EXOC1: variants seen among roughly 807,000 people sequenced by gnomAD.
EXOC1 encodes the protein SEC3-like 1.
EXOC1 carries 67 observed loss-of-function variants against 107.7 expected under a neutral mutation model. The observed-to-expected ratio is 0.62, with a 90% CI of 0.51 to 0.76. EXOC1 has a LOEUF of 0.76. Among genes scored for constraint, EXOC1 ranks in the 30% least tolerant of loss-of-function variants. The pLI is 0.00. For missense variants in EXOC1, 833 were observed against 1,055.7 expected (o/e 0.79, Z 2.92); for synonymous variants, 348 against 353.5 (o/e 0.98, Z 0.17).
At chr4:55,863,858 ATAAC>A (rs1185902379) in intron 3 of EXOC1, among the ~76,000 whole-genome samples, 2 of 152,232 alleles carry the variant, frequency 1.3e-5, no homozygotes, top group Non-Finnish European at 2.9e-5. Context: ...AAGAAAATGT[ATAAC>A]TAAAACTCTA....
At position 55,868,458 on chromosome 4, in the gene EXOC1, TATGCA is replaced by T; in HGVS notation, c.541_545del (p.Ala181LeufsTer21). On this transcript the variant is annotated frameshift_variant, in exon 5 of 19. Transcript: ENST00000381295. LOFTEE classifies it high-confidence loss of function. The stretch of plus-strand genomic sequence containing the variant: ...CGAAATAATGATGGAAGGCTGTGAA[TATGCA>T]ATCTCGAATGCGGAAGCCTTTGCAG... The T allele has an allele frequency of 6.2e-7, 1 of 1,613,848 alleles. No homozygotes were observed. The highest frequency in any genetic ancestry group is 1.1e-5 in the South Asian group (1 of 91,078).
chr4:55,855,303 A>G (rs542616145), intron 1 of EXOC1, among the ~76,000 whole-genome samples: 2 of 152,216 alleles, frequency 1.3e-5, no homozygotes, highest in Non-Finnish European at 2.9e-5. Flanking sequence ...AAAGGAATAA[A>G]TTACATGTAG....
At chr4:55,870,492 G>A (rs1722326689) in intron 5 of EXOC1, among the ~76,000 whole-genome samples, 186 bp from the exon 6 acceptor site, 1 of 152,196 alleles carries the variant, frequency 6.6e-6, no homozygotes, top group Admixed American at 6.5e-5. Context: ...GAAATACTGT[G>A]TAAAACATGG....
chr4:55,865,346 C>G (rs937094238), intron 4 of EXOC1, among the ~76,000 whole-genome samples: 26 of 152,112 alleles, frequency 1.7e-4, no homozygotes, highest in African/African-American at 6.0e-4. Flanking sequence ...ACTTAGTAAT[C>G]AGTGAGCCTG....
At chr4:55,861,483 C>A (rs1721471131) in intron 3 of EXOC1, among the ~76,000 whole-genome samples, 1 of 152,154 alleles carries the variant, frequency 6.6e-6, no homozygotes, top group African/African-American at 2.4e-5. Context: ...TTGGTACAAA[C>A]CTCCAAGGAT....
intron 15 of EXOC1, 100 bp from the exon 16 acceptor site, chr4:55,896,617 A>G (rs1049654666): frequency 1.3e-5 from 12 of 914,266 alleles, no homozygotes; most frequent in East Asian, 8.9e-5. Flanking sequence ...TATGATATCT[A>G]TGTATATATC....
chr4:55,868,372 G>C lies in EXOC1; in HGVS notation c.452G>C (p.Gly151Ala). Residue 151 changes from glycine (G) to alanine (A), a missense_variant, in exon 5 of 19, where the codon GGA (glycine) becomes GCA (alanine). By Grantham distance (60) the Gly-to-Ala change is moderately conservative. This residue lies in a region of EXOC1 where 617 missense variants were observed against 701.3 expected (regional missense o/e 0.88). Transcript: ENST00000381295. ...VPSGENQSVT[G>A]GDEEVVDEYQ... Reference sequence around the variant, plus strand: ...AGTGGAGAAAATCAGAGTGTGACAGGAGGTGATGAAGAAGTAGTAGATGAA... The same window carrying C: ...AGTGGAGAAAATCAGAGTGTGACAGCAGGTGATGAAGAAGTAGTAGATGAA... 1.9e-6 allele frequency: 3 copies of C among 1,613,312 alleles called. No homozygotes were observed. Among genetic ancestry groups the C allele is most frequent in the East Asian group, 2.2e-5 (1 of 44,856 alleles).
intron 10 of EXOC1, 94 bp downstream of exon 10, chr4:55,884,022 G>T: frequency 1.2e-6 from 1 of 852,446 alleles, no homozygotes; most frequent in Non-Finnish European, 1.8e-6. Flanking sequence ...GGTGGAGGTA[G>T]ATCCAGCAGA....
chr4:55,876,596 A>G, intron 8 of EXOC1: 8 of 985,186 alleles, frequency 8.1e-6, no homozygotes, highest in Non-Finnish European at 9.6e-6. Context: ...CTATTAATAT[A>G]CCTTGTGTAT....
intron 9 of EXOC1, among the ~76,000 whole-genome samples, chr4:55,880,368 G>A (rs1723282811): frequency 6.6e-6 from 1 of 151,482 alleles, no homozygotes; most frequent in Non-Finnish European, 1.5e-5. Flanking sequence ...TATTTTAGGT[G>A]AGATTATTTT....
intron 5 of EXOC1, 38 bp from the exon 6 acceptor site, chr4:55,870,628 TTTTGTTTGTTTG>T (rs34281712): frequency 2.3e-6 from 3 of 1,318,256 alleles, no homozygotes; most frequent in East Asian, 2.3e-5. Context: ...CAAGTATGTT[TTTTGTTTGTTTG>T]TTTGTTTGTT....
intron 2 of EXOC1, among the ~76,000 whole-genome samples, chr4:55,859,183 G>T (rs1266402320): frequency 6.6e-6 from 1 of 152,056 alleles, no homozygotes; most frequent in African/African-American, 2.4e-5. Context: ...TTGGGATTTT[G>T]ATTGGAATTG....
intron 15 of EXOC1, among the ~76,000 whole-genome samples, chr4:55,895,496 A>AG (rs1275414031): frequency 4.7e-4 from 72 of 152,224 alleles, no homozygotes; most frequent in Non-Finnish European, 9.1e-4. Context: ...AATATGAAAT[A>AG]ACTGACTATA....
At chr4:55,866,627 G>A (rs530270912) in intron 4 of EXOC1, among the ~76,000 whole-genome samples, 145 of 152,210 alleles carry the variant, frequency 9.5e-4, no homozygotes, top group African/African-American at 3.3e-3. Flanking sequence ...AAGACTAAGA[G>A]AAATTAGAAA....
intron 3 of EXOC1, among the ~76,000 whole-genome samples, chr4:55,862,483 A>C (rs935000183): frequency 4.6e-5 from 7 of 152,210 alleles, no homozygotes; most frequent in Admixed American, 6.5e-5. Context: ...ATTATGGGAA[A>C]TATTCCCAGG....
At chr4:55,896,510 A>T (rs914493007) in intron 15 of EXOC1, among the ~76,000 whole-genome samples, 1 of 152,170 alleles carries the variant, frequency 6.6e-6, no homozygotes, top group East Asian at 1.9e-4. Context: ...TGGTTTTATT[A>T]TCTATAGAAT....
chr4:55,860,618 A>G (rs1721386331), intron 3 of EXOC1, 77 bp downstream of exon 3: 1 of 1,514,898 alleles, frequency 6.6e-7, no homozygotes, highest in Non-Finnish European at 8.9e-7. Flanking sequence ...ATATTCTAAA[A>G]TGATCTAAAA....
chr4:55,872,881 C>A, intron 8 of EXOC1: 1 of 516,666 alleles, frequency 1.9e-6, no homozygotes, highest in Non-Finnish European at 2.5e-6. Flanking sequence ...CTAAACTTAA[C>A]AGCAGCCGAA....
In EXOC1 at chr4:55,858,442, C is replaced by T; in HGVS notation, c.119C>T (p.Ala40Val). The T allele has an allele frequency of 6.3e-7, 1 of 1,592,548 alleles. No homozygotes were observed. The highest frequency in any genetic ancestry group is 8.5e-7 in the Non-Finnish European group (1 of 1,170,970). ...AAGAAAAAGAACTGTTTTTTATGTG[C>T]CACAGGTGGGTATTTAGTAAGAAAG... ...GKKKKNCFLC[A>V]TVTTERPVQV... The change falls in exon 2 of 19, where the codon GCC becomes GTC. Residue 40 changes from alanine to valine, a missense_variant. Coordinates refer to ENST00000381295, the MANE Select transcript of EXOC1 (RefSeq NM_001024924.2).
Sources: allele counts gnomAD v4.1 joint callset (sites outside exome capture counted in the v4.1 genomes callset), GRCh38; gene constraint gnomAD v4.1.1; regional missense constraint gnomAD v4.1.1; transcripts MANE v1.5; gene names NCBI Gene and HGNC (gene_info 2026-07-23, HGNC 2026-07-21).